The following ALG13 variants were observed in gnomAD, a reference collection of about 807,000 sequenced individuals.
ALG13 encodes ALG13 UDP-N-acetylglucosaminyltransferase subunit, also known as UDP-N-acetylglucosamine transferase subunit ALG13.
In ALG13, 11 loss-of-function variants were observed where a neutral mutation model predicts 87.8. The observed-to-expected ratio is 0.13, with a 90% CI of 0.08 to 0.21. The LOEUF is 0.21. ALG13 is among the 10% of genes least tolerant of loss of function. The probability of loss-of-function intolerance (pLI) is 1.00; values close to 1 mark genes in which losing one functional copy is unlikely to be tolerated. For synonymous variants in ALG13, 320 were observed against 306.3 expected, an observed-to-expected ratio of 1.04 and a Z score of -0.47; for missense variants, 756 against 866.1, an observed-to-expected ratio of 0.87 and a Z score of 1.60.
At chrX:111,717,808 G>GT (rs776193323) in intron 8 of ALG13, 38 bp from the exon 9 acceptor site, 2 of 992,390 alleles carry the variant, frequency 2.0e-6, no homozygotes, top group African/African-American at 3.8e-5. Context: ...TTTAAGATGT[G>GT]TAACATTCAC....
At chrX:111,688,604 G>C in intron 3 of ALG13, 1 of 746,434 alleles carries the variant, frequency 1.3e-6, no homozygotes, top group South Asian at 6.8e-5. Context: ...TAAAATAATC[G>C]TGCCTAATGT....
intron 3 of ALG13, among the ~76,000 whole-genome samples, chrX:111,687,070 G>A (rs915030812): frequency 1.8e-5 from 2 of 110,920 alleles, no homozygotes; most frequent in Non-Finnish European, 3.8e-5. Context: ...CAATTCTCCC[G>A]AATAGCTGGG....
intron 8 of ALG13, among the ~76,000 whole-genome samples, chrX:111,714,092 G>GTGAAT (rs1260909263): frequency 7.2e-5 from 8 of 111,518 alleles, no homozygotes; most frequent in African/African-American, 1.6e-4. Context: ...ATAATCGAGG[G>GTGAAT]TGAATACCTG....
At chrX:111,685,923 A>G (rs191613565) in intron 3 of ALG13, among the ~76,000 whole-genome samples, 197 of 112,198 alleles carry the variant, frequency 1.8e-3, no homozygotes, top group African/African-American at 6.1e-3. Context: ...GCAGGAGCAT[A>G]GTGAGCAAGG....
intron 18 of ALG13, 48 bp downstream of exon 18, chrX:111,727,818 TA>T (rs1942233945): frequency 4.5e-6 from 5 of 1,106,372 alleles, no homozygotes; most frequent in East Asian, 3.1e-5. Context: ...TTTTTTCATT[TA>T]TTTTTTTGAA....
intron 19 of ALG13, 39 bp from the exon 20 acceptor site, chrX:111,730,356 A>G (rs1304989841): frequency 4.2e-6 from 5 of 1,188,139 alleles, no homozygotes; most frequent in Non-Finnish European, 2.3e-6. Flanking sequence ...AAAAAGACCT[A>G]TATAAACACA....
intron 22 of ALG13, among the ~76,000 whole-genome samples, chrX:111,736,487 T>C (rs1012582223): frequency 3.6e-5 from 4 of 111,904 alleles, no homozygotes; most frequent in Admixed American, 9.5e-5. Context: ...TTTCAAATCA[T>C]ATTAATGTAT....
At chrX:111,738,124 A>G (rs764748204) in intron 23 of ALG13, among the ~76,000 whole-genome samples, 3 of 112,768 alleles carry the variant, frequency 2.7e-5, no homozygotes, top group Non-Finnish European at 5.6e-5. Context: ...TGAGCTAAAG[A>G]TATTAATAAT....
At chrX:111,696,246 C>T (rs1475524382) in intron 3 of ALG13, among the ~76,000 whole-genome samples, 1 of 111,244 alleles carries the variant, frequency 9.0e-6, no homozygotes, top group Non-Finnish European at 1.9e-5. Context: ...CAAATTTGAC[C>T]ACTTAAAGGA....
intron 10 of ALG13, 102 bp downstream of exon 10, chrX:111,718,376 A>G (rs1940926528): frequency 1.5e-6 from 1 of 667,207 alleles, no homozygotes; most frequent in East Asian, 3.5e-5. Flanking sequence ...GTTAGGTTAC[A>G]TATTCACACG....
In ALG13 at chrX:111,759,588, A is replaced by G. The variant is rs1421115543; in HGVS notation, c.3149-146A>G. 16 of 461,382 alleles carry G rather than the reference A, an allele frequency of 3.5e-5. No homozygotes were observed. In the Admixed American group the frequency reaches 6.2e-4, roughly 18 times the overall value. 38.0% of individuals were successfully genotyped at this position (461,382 alleles called of 1,213,427 possible). On this transcript the variant is annotated intron_variant, in intron 26 of 26. Transcript: ENST00000394780. ...CATATTATCTTTACTCATTATTTGT[A>G]TTTAAAGTGCTCCTGCTGCAATTGC...
At chrX:111,708,505 A>G in intron 4 of ALG13, 112 bp downstream of exon 4, 1 of 953,192 alleles carries the variant, frequency 1.0e-6, no homozygotes, top group Non-Finnish European at 1.4e-6. Flanking sequence ...TAGTGAAAAC[A>G]TCGGGCCTGT....
At position 111,689,778 on chromosome X, in the gene ALG13, A is replaced by G. The variant is rs1270205043; in HGVS notation, c.383+4675A>G. On this transcript the variant is annotated intron_variant, in intron 3 of 26. Transcript: ENST00000394780. ...GTCCCCTGCTCTTTCTACCCTGCATAATATATGTTGTAAGCTTTTTGTTTC... is the reference window on the plus strand; with the variant it reads ...GTCCCCTGCTCTTTCTACCCTGCATGATATATGTTGTAAGCTTTTTGTTTC... 4.0e-6 allele frequency: 3 copies of G among 748,133 alleles called. No homozygotes were observed. The African/African-American group carries it at 7.0e-5, about 17-fold the overall frequency. The allele number at this position is 748,133 out of a possible 1,213,427, so 61.7% of individuals were successfully genotyped here.
In ALG13 at chrX:111,756,270, G is replaced by A. The variant is rs761457009; in HGVS notation, c.2974-1318G>A. 5.4e-5 allele frequency among the ~76,000 whole-genome samples: 6 copies of A among 111,310 alleles called. No homozygotes were observed. The South Asian group carries it at 1.9e-3, about 36-fold the overall frequency. On this transcript the variant is annotated intron_variant, in intron 25 of 26. Transcript: ENST00000394780. Reference sequence around the variant, plus strand: ...ACATTGGGGCCTGTCGCGGGGTTGGGGGCAAAGGGAGGGAGAGCATTAGGA... The same window carrying A: ...ACATTGGGGCCTGTCGCGGGGTTGGAGGCAAAGGGAGGGAGAGCATTAGGA...
intron 5 of ALG13, among the ~76,000 whole-genome samples, chrX:111,709,608 A>G (rs1241247154): frequency 2.7e-5 from 3 of 111,841 alleles, no homozygotes; most frequent in Non-Finnish European, 3.8e-5. Flanking sequence ...AACTTTAGGT[A>G]AAACAACTTA....
At chrX:111,745,235 G>A (rs1944131138) in intron 24 of ALG13, among the ~76,000 whole-genome samples, 1 of 110,940 alleles carries the variant, frequency 9.0e-6, no homozygotes, top group Non-Finnish European at 1.9e-5. Flanking sequence ...AACAGGACTT[G>A]GTATCAAATT....
At chrX:111,743,195 A>G (rs1943915206) in intron 23 of ALG13, among the ~76,000 whole-genome samples, 1 of 111,062 alleles carries the variant, frequency 9.0e-6, no homozygotes, top group Non-Finnish European at 1.9e-5. Context: ...GCCTTTCTCC[A>G]TTTGCTTTTT....
intron 24 of ALG13, among the ~76,000 whole-genome samples, chrX:111,745,875 C>T (rs1944197509): frequency 9.0e-6 from 1 of 111,125 alleles, no homozygotes; most frequent in Non-Finnish European, 1.9e-5. Context: ...TCTCCCTTCC[C>T]TTACCTACCT....
intron 12 of ALG13, 106 bp from the exon 13 acceptor site, chrX:111,722,687 G>A: frequency 3.8e-6 from 2 of 529,035 alleles, no homozygotes; most frequent in Non-Finnish European, 3.2e-6. Context: ...TTCACTTATA[G>A]TGGTAGCGTT....
Sources: gnomAD v4.1 joint callset for allele counts (sites outside exome capture counted in the v4.1 genomes callset) on GRCh38, gnomAD v4.1.1 for gene constraint, MANE v1.5 for transcripts, NCBI Gene and HGNC (gene_info 2026-07-23, HGNC 2026-07-21) for gene names.